Variants in AACS observed in about 807,000 individuals in gnomAD.
AACS encodes acetoacetyl-CoA synthetase, also known as acetoacetate-CoA ligase.
A neutral mutation model predicts 83.1 loss-of-function variants in AACS; 69 were observed. That is an observed-to-expected ratio of 0.83 (90% CI 0.68 to 1.01). The LOEUF (loss-of-function observed/expected upper bound fraction) is 1.01. AACS is among the 50% of genes least tolerant of loss of function. The probability of loss-of-function intolerance (pLI) is 0.00; values close to 1 mark genes in which losing one functional copy is unlikely to be tolerated. For missense variants in AACS, 866 were observed against 882.2 expected, an observed-to-expected ratio of 0.98 and a Z score of 0.23; for synonymous variants, 333 against 343.4, an observed-to-expected ratio of 0.97 and a Z score of 0.33.
rs77363989 is a variant in AACS, at chr12:125,092,098, C to G, written c.570+575C>G. On this transcript the variant is annotated intron_variant, in intron 5 of 17. Coordinates refer to ENST00000316519, the MANE Select transcript of AACS (RefSeq NM_023928.5). Reference sequence around the variant, plus strand: ...GCTGATCCCCACTGGGGCCCCCCAGCCTATAGGTCTTTCCACGGGGCAAAT... The same window carrying G: ...GCTGATCCCCACTGGGGCCCCCCAGGCTATAGGTCTTTCCACGGGGCAAAT... 6.4e-3 allele frequency among the ~76,000 whole-genome samples: 969 copies of G among 152,328 alleles called. 11 individuals are homozygous for G. The highest frequency in any genetic ancestry group is 0.022 in the African/African-American group (930 of 41,586).
At chr12:125,067,888 A>G (rs570760965) in intron 1 of AACS, among the ~76,000 whole-genome samples, 2 of 152,252 alleles carry the variant, frequency 1.3e-5, no homozygotes, top group Admixed American at 6.5e-5. Flanking sequence ...GATCAGGAGG[A>G]AGTCATTGGA....
intron 2 of AACS, among the ~76,000 whole-genome samples, chr12:125,074,524 G>A (rs1376504488): frequency 1.3e-5 from 2 of 151,834 alleles, no homozygotes; most frequent in Admixed American, 1.3e-4. Flanking sequence ...TCCAGCCTGG[G>A]CAATAGAGCC....
rs79015556 is a variant in AACS at position 125,128,054 on chromosome 12, A to C, written c.1310-107A>C. The stretch of plus-strand genomic sequence containing the variant: ...TGGGATGTTGCAGTGTTTGTCTGGG[A>C]GAGTAGATATTTGTCCTCTTGGCAC... On this transcript the variant is annotated intron_variant, in intron 12 of 17. Coordinates refer to ENST00000316519, the MANE Select transcript of AACS (RefSeq NM_023928.5). 7.6e-3 allele frequency: 5,402 copies of C among 710,188 alleles called. 226 individuals are homozygous for C. The African/African-American group carries it at 0.087, about 11-fold the overall frequency. 44.0% of individuals were successfully genotyped at this position (710,188 alleles called of 1,614,324 possible). A position where few individuals can be genotyped will look rare whatever the true frequency, so the allele number is the denominator to read the frequency against.
chr12:125,093,839 C>T (rs1423341904), intron 5 of AACS, among the ~76,000 whole-genome samples: 1 of 152,242 alleles, frequency 6.6e-6, no homozygotes, highest in Non-Finnish European at 1.5e-5. Flanking sequence ...GTTACTCGCA[C>T]TCGAACTGAG....
At chr12:125,116,917 C>T (rs1396043842) in intron 9 of AACS, among the ~76,000 whole-genome samples, 1 of 135,014 alleles carries the variant, frequency 7.4e-6, no homozygotes, top group Non-Finnish European at 1.5e-5. Flanking sequence ...TTCCCGTTTT[C>T]CCTTTGCCTT....
intron 3 of AACS, among the ~76,000 whole-genome samples, chr12:125,080,724 C>G (rs560032398): frequency 6.6e-5 from 10 of 152,098 alleles, no homozygotes; most frequent in South Asian, 2.1e-4. Flanking sequence ...CAGAGTCTAG[C>G]TCTGTCCCCC....
At chr12:125,082,171 A>ATT (rs71092271) in intron 3 of AACS, among the ~76,000 whole-genome samples, 3 of 131,942 alleles carry the variant, frequency 2.3e-5, no homozygotes, top group African/African-American at 5.7e-5. Flanking sequence ...GCCCAGCCTG[A>ATT]TTTTTTTTTT....
chr12:125,137,825 G>A (rs1200717295), intron 17 of AACS, among the ~76,000 whole-genome samples: 4 of 152,336 alleles, frequency 2.6e-5, no homozygotes, highest in East Asian at 3.9e-4. Flanking sequence ...ATGGCTATTC[G>A]TTAAGGAGAA....
At chr12:125,102,521 G>A in intron 5 of AACS, 158 bp from the exon 6 acceptor site, 1 of 664,482 alleles carries the variant, frequency 1.5e-6, no homozygotes, top group Non-Finnish European at 2.7e-6. Flanking sequence ...CTGGAATGCA[G>A]TGGTGCAAGC....
At chr12:125,118,310 T>G in intron 9 of AACS, 1 of 299,378 alleles carries the variant, frequency 3.3e-6, no homozygotes, top group Non-Finnish European at 6.5e-6. Flanking sequence ...TCATGTGGGT[T>G]CAGTGACTGT....
At chr12:125,079,599 G>A (rs541963357) in intron 3 of AACS, among the ~76,000 whole-genome samples, 24 of 152,002 alleles carry the variant, frequency 1.6e-4, no homozygotes, top group East Asian at 5.8e-4. Context: ...ATGTTGCTCA[G>A]GCTGGTCTCG....
chr12:125,131,727 T>C (rs868139706), intron 14 of AACS, among the ~76,000 whole-genome samples: 11 of 152,078 alleles, frequency 7.2e-5, no homozygotes, highest in Admixed American at 2.6e-4. Context: ...GCCTCCTGAG[T>C]AGCTGGGATT....
At position 125,073,876 on chromosome 12, in the gene AACS, A is replaced by G. The variant is rs1955944753; in HGVS notation, c.134A>G (p.Glu45Gly). Reference sequence around the variant, plus strand: ...TTAATCTGAGCTATTTCATTTTTAGAGAGTTATGATGACTTGTACCATTGG... The same window carrying G: ...TTAATCTGAGCTATTTCATTTTTAGGGAGTTATGATGACTTGTACCATTGG... The part of the protein sequence containing the change: ...AVGAACGLAL[E>G]SYDDLYHWSV... Residue 45 changes from glutamate (E) to glycine (G), a missense_variant and splice_region_variant, in exon 2 of 18, where the codon GAG becomes GGG. Glu to Gly is a moderately conservative substitution (Grantham distance 98). Coordinates refer to ENST00000316519, the MANE Select transcript of AACS (RefSeq NM_023928.5). 5.0e-6 allele frequency: 8 copies of G among 1,609,760 alleles called. No individual in the cohort carries two copies. The highest frequency in any genetic ancestry group is 2.2e-5 in the East Asian group (1 of 44,860).
intron 1 of AACS, among the ~76,000 whole-genome samples, chr12:125,073,459 T>G (rs1268055235): frequency 6.6e-6 from 1 of 152,196 alleles, no homozygotes; most frequent in East Asian, 1.9e-4. Flanking sequence ...AAGGCCCTGT[T>G]CTAAGCACTT....
In AACS at chr12:125,097,656, G is replaced by A. The variant is rs1269302057; in HGVS notation, c.571-5023G>A. On this transcript the variant is annotated intron_variant, in intron 5 of 17. Coordinates refer to ENST00000316519, the MANE Select transcript of AACS (RefSeq NM_023928.5). The surrounding 1 kb of genome is among the most constrained non-coding windows in gnomAD (Gnocchi z 4.3). ...AAGACCCCTCCTTCCTGTCATGACT[G>A]TGCATCCTGAGAGCACTTCAGCCTT... is the stretch of plus-strand genomic sequence containing the variant. 2.0e-5 allele frequency among the ~76,000 whole-genome samples: 3 copies of A among 152,106 alleles called. No homozygotes were observed. The highest frequency in any genetic ancestry group is 7.2e-5 in the African/African-American group (3 of 41,424).
At chr12:125,134,661 G>A (rs185463724) in intron 15 of AACS, 133 bp from the exon 16 acceptor site, 1 of 892,972 alleles carries the variant, frequency 1.1e-6, no homozygotes, top group Non-Finnish European at 1.8e-6. Flanking sequence ...CAAGGAGCTG[G>A]GGAGCGGAGT....
intron 10 of AACS, chr12:125,123,894 A>C (rs986280944): frequency 2.6e-5 from 4 of 152,278 alleles, no homozygotes; most frequent in Admixed American, 2.0e-4. Flanking sequence ...AGGTATATTC[A>C]GCAGCGTGTG....
intron 14 of AACS, 44 bp from the exon 15 acceptor site, chr12:125,133,959 C>T: frequency 6.2e-7 from 1 of 1,607,422 alleles, no homozygotes; most frequent in Non-Finnish European, 8.5e-7. Flanking sequence ...CCTGTCATGG[C>T]CCCTTCTCCT....
chr12:125,075,997 G>T (rs555720858), intron 2 of AACS, among the ~76,000 whole-genome samples: 1 of 152,172 alleles, frequency 6.6e-6, no homozygotes, highest in Non-Finnish European at 1.5e-5. Flanking sequence ...ATTCAAAGTC[G>T]AATTTATTGT....
Sources: gnomAD v4.1 joint callset for allele counts (sites outside exome capture counted in the v4.1 genomes callset) on GRCh38, gnomAD v4.1.1 for gene constraint, Gnocchi (gnomAD v3.1) non-coding constraint, MANE v1.5 for transcripts, NCBI Gene and HGNC (gene_info 2026-07-23, HGNC 2026-07-21) for gene names.